The following STRN4 variants were observed in gnomAD, a reference collection of about 807,000 sequenced individuals.
The protein encoded by STRN4 is striatin-4.
STRN4 carries 27 observed loss-of-function variants against 77.9 expected under a neutral mutation model. The ratio of observed to expected loss-of-function variants is 0.35; its 90% CI spans 0.26 to 0.48. STRN4 has a LOEUF of 0.48. Ranked by LOEUF, STRN4 falls within the 20% of genes least tolerant of loss-of-function variation. The pLI, the probability that STRN4 is intolerant of heterozygous loss-of-function variation, is 0.99. For synonymous variants in STRN4, 466 were observed against 443.1 expected (o/e 1.05, Z -0.65); for missense variants, 798 against 1,049.7 (o/e 0.76, Z 3.31).
At chr19:46,725,428 G>T (rs527426173) in intron 10 of STRN4, 45 bp downstream of exon 10, 13 of 1,610,336 alleles carry the variant, frequency 8.1e-6, no homozygotes, top group Non-Finnish European at 1.0e-5. Context: ...TGTCACCCCC[G>T]TCCCCAGATG....
chr19:46,725,269 G>A lies in STRN4; in HGVS notation c.1472+63C>T. ...CGTGGGCCTCCCGCGATGGCAGTGA[G>A]CAGGTCAGGAGTCAGGCTGCATTTA... On this transcript the variant is annotated intron_variant, in intron 11 of 17. Transcript: ENST00000263280. The A allele has an allele frequency of 3.7e-6, 6 of 1,609,662 alleles. No individual in the cohort carries two copies. The South Asian group carries it at 6.6e-5, about 18-fold the overall frequency.
At chr19:46,732,826 G>A (rs2054282627) in intron 5 of STRN4, 1 of 589,764 alleles carries the variant, frequency 1.7e-6, no homozygotes, top group Non-Finnish European at 2.9e-6. Context: ...CTGGAGATGA[G>A]GCCATGGCGA....
At chr19:46,730,646 G>A in intron 6 of STRN4, 86 bp downstream of exon 6, 3 of 1,558,666 alleles carry the variant, frequency 1.9e-6, no homozygotes, top group Non-Finnish European at 2.6e-6. Flanking sequence ...ACACACCGCA[G>A]CCCCTGAAGG....
At chr19:46,724,581 A>G (rs1286449063) in intron 12 of STRN4, among the ~76,000 whole-genome samples, 1 of 152,186 alleles carries the variant, frequency 6.6e-6, no homozygotes, top group East Asian at 1.9e-4. Context: ...AGAGATTCTC[A>G]GGCAGCTTCA....
At chr19:46,729,493 G>A (rs928242756) in intron 6 of STRN4, among the ~76,000 whole-genome samples, 16 of 152,172 alleles carry the variant, frequency 1.1e-4, no homozygotes, top group Admixed American at 7.9e-4. Context: ...CTGCATGGGG[G>A]GGACCAGAGG....
intron 5 of STRN4, chr19:46,732,329 C>G (rs1321664253): frequency 6.6e-6 from 1 of 152,632 alleles, no homozygotes; most frequent in Non-Finnish European, 1.5e-5. Context: ...TCCCACAACC[C>G]TGAGTCAAAC....
intron 1 of STRN4, among the ~76,000 whole-genome samples, chr19:46,742,704 A>T (rs2054495590): frequency 6.6e-6 from 1 of 152,004 alleles, no homozygotes; most frequent in Non-Finnish European, 1.5e-5. Context: ...CTGGGACTAC[A>T]GGCGCCCACC....
intron 1 of STRN4, chr19:46,745,840 T>G: frequency 3.7e-6 from 1 of 273,772 alleles, no homozygotes; most frequent in East Asian, 8.0e-5. Flanking sequence ...TCAGTCCCAG[T>G]CCCAGTCCCA....
Position 46,722,255 on chromosome 19 carries a change from C to T in STRN4, c.1992G>A (p.Leu664=), listed in dbSNP as rs1383010606. The T allele has an allele frequency of 1.9e-6, 3 of 1,614,064 alleles. No homozygotes were observed. The highest frequency in any genetic ancestry group is 2.5e-6 in the Non-Finnish European group (3 of 1,180,038). The change falls in exon 15 of 18, where the codon CTG becomes CTA. Residue 664 remains leucine, a synonymous_variant. Coordinates refer to ENST00000263280, the MANE Select transcript of STRN4 (RefSeq NM_013403.3). ...TAHDDRGIRF[L]DNRTGKPVHS... ...GCTAGGCCTCACCTGTCCGATTGTC[C>T]AGGAAGCGGATGCCCCTGTCGTCGT...
rs1184387202 is a variant in STRN4 at position 46,725,321 on chromosome 19, C to G, written c.1472+11G>C. ...GACGAGTTTCTAGCAGGCTCAGGGG[C>G]ACCTCCCTACCTGTGAGCCCGGAAA... On this transcript the variant is annotated intron_variant, in intron 11 of 17. Transcript: ENST00000263280. The G allele has an allele frequency of 1.2e-6, 2 of 1,614,164 alleles. No individual in the cohort carries two copies. Among genetic ancestry groups the G allele is most frequent in the Non-Finnish European group, 1.7e-6 (2 of 1,180,024 alleles).
chr19:46,745,475 C>T (rs2054566083), intron 1 of STRN4, among the ~76,000 whole-genome samples: 1 of 151,992 alleles, frequency 6.6e-6, no homozygotes. Flanking sequence ...CCCTCGGGTC[C>T]TTACACAGCC....
chr19:46,729,571 G>C (rs1194148210), intron 6 of STRN4, among the ~76,000 whole-genome samples: 1 of 152,208 alleles, frequency 6.6e-6, no homozygotes, highest in Non-Finnish European at 1.5e-5. Flanking sequence ...GGGAAGGGGA[G>C]GGTTTAGACA....
Position 46,725,480 on chromosome 19 carries a change from C to T in STRN4, c.1417G>A (p.Ala473Thr), listed in dbSNP as rs1050392584. Residue 473 changes from alanine (A) to threonine (T), a missense_variant, in exon 10 of 18, where the codon GCC (alanine) becomes ACC (threonine). Physicochemically the swap from Ala to Thr is moderately conservative, Grantham distance 58 (BLOSUM62 0). This residue lies in a region of STRN4 where 287 missense variants were observed against 473.8 expected (regional missense o/e 0.61). Coordinates refer to ENST00000263280, the MANE Select transcript of STRN4 (RefSeq NM_013403.3). ...KLWNLQKAVTAKKNAALDVEP... is the reference protein window; with the variant it reads ...KLWNLQKAVTTKKNAALDVEP... The stretch of plus-strand genomic sequence containing the variant: ...TGAGCTTGCTGCCCTCACTTCTTGG[C>T]CGTGACCGCCTTCTGCAGGTTCCAG... 8 of 1,613,790 alleles carry T rather than the reference C, an allele frequency of 5.0e-6. No individual in the cohort carries two copies. Among genetic ancestry groups the T allele is most frequent in the Middle Eastern group, 1.6e-4 (1 of 6,082 alleles).
At chr19:46,739,011 T>C (rs1407559700) in intron 1 of STRN4, 123 bp from the exon 2 acceptor site, 9 of 764,118 alleles carry the variant, frequency 1.2e-5, no homozygotes, top group African/African-American at 1.0e-4. Flanking sequence ...CAGCAGCCAC[T>C]TCCTCAGGCA....
At chr19:46,740,352 C>T (rs2054451921) in intron 1 of STRN4, 1 of 152,090 alleles carries the variant, frequency 6.6e-6, no homozygotes, top group Non-Finnish European at 1.5e-5. Flanking sequence ...CTGTCCGCTT[C>T]AAGAATGGGA....
Position 46,738,947 on chromosome 19 carries a change from G to T in STRN4, c.283-59C>A. ...TGGGGCTCAGGCTCAATGCCGGTGT[G>T]TCTATCACTCACCCAGGTATAGTGC... On this transcript the variant is annotated intron_variant, in intron 1 of 17. Transcript: ENST00000263280. The surrounding 1 kb of genome is among the most constrained non-coding windows in gnomAD (Gnocchi z 4.5). 6.9e-7 allele frequency: 1 copy of T among 1,445,466 alleles called. No homozygotes were observed. Among genetic ancestry groups the T allele is most frequent in the Non-Finnish European group, 9.7e-7 (1 of 1,034,504 alleles). 89.5% of individuals were successfully genotyped at this position (1,445,466 alleles called of 1,614,324 possible). A position where few individuals can be genotyped will look rare whatever the true frequency, so the allele number is the denominator to read the frequency against.
At chr19:46,721,472 C>T (rs140683747) in intron 16 of STRN4, 1 of 159,586 alleles carries the variant, frequency 6.3e-6, no homozygotes, top group Non-Finnish European at 1.4e-5. Context: ...ACGGCCTGCG[C>T]CTCTGTGCAC....
chr19:46,725,888 T>C (rs1487808599), intron 9 of STRN4: 5 of 548,074 alleles, frequency 9.1e-6, no homozygotes, highest in East Asian at 6.2e-5. Context: ...GCCTGACCCC[T>C]TGGGGTCTTG....
At chr19:46,737,088 C>T (rs1205483346) in intron 3 of STRN4, among the ~76,000 whole-genome samples, 187 bp from the exon 4 acceptor site, 1 of 152,196 alleles carries the variant, frequency 6.6e-6, no homozygotes, top group African/African-American at 2.4e-5. Flanking sequence ...AAGCGTTCCT[C>T]ATCTCTAGGT....
Sources: gnomAD v4.1 joint callset for allele counts (sites outside exome capture counted in the v4.1 genomes callset) on GRCh38, gnomAD v4.1.1 for gene constraint, gnomAD v4.1.1 regional missense constraint, Gnocchi (gnomAD v3.1) non-coding constraint, MANE v1.5 for transcripts, NCBI Gene and HGNC (gene_info 2026-07-23, HGNC 2026-07-21) for gene names.